RNF146: variants seen among roughly 807,000 people sequenced by gnomAD.
The protein encoded by RNF146 is ring finger protein 146, also known as E3 ubiquitin-protein ligase RNF146.
Under a neutral mutation model 29.7 loss-of-function variants are expected in RNF146, and 11 were observed. That is an observed-to-expected ratio of 0.37 (90% CI 0.23 to 0.61). The LOEUF (loss-of-function observed/expected upper bound fraction) is 0.61. Among genes scored for constraint, RNF146 ranks in the 20% least tolerant of loss-of-function variants. RNF146 has a pLI of 0.66. For missense variants in RNF146, 342 were observed against 438.9 expected (o/e 0.78, Z 1.97); for synonymous variants, 150 against 159.7 (o/e 0.94, Z 0.46).
chr6:127,286,463 G>A lies in RNF146; in HGVS notation c.3-153G>A. On this transcript the variant is annotated intron_variant, in intron 2 of 2. Transcript: ENST00000368314. The surrounding 1 kb of genome is among the most constrained non-coding windows in gnomAD (Gnocchi z 4.6). ...ACAAAAAATTTTCATCGGTTGGAGAGTTTTTCCTCTACTTTCATCTTCATA... is the reference window on the plus strand; with the variant it reads ...ACAAAAAATTTTCATCGGTTGGAGAATTTTTCCTCTACTTTCATCTTCATA... 1.4e-5 allele frequency: 12 copies of A among 833,970 alleles called. No individual in the cohort carries two copies. The South Asian group carries it at 2.4e-4, about 16-fold the overall frequency. 51.7% of individuals were successfully genotyped at this position (833,970 alleles called of 1,614,324 possible). A position where few individuals can be genotyped will look rare whatever the true frequency, so the allele number is the denominator to read the frequency against.
intron 1 of RNF146, among the ~76,000 whole-genome samples, chr6:127,275,101 C>G (rs1268977483): frequency 1.3e-5 from 2 of 152,076 alleles, no homozygotes; most frequent in East Asian, 3.9e-4. Flanking sequence ...CTGGGCTGAC[C>G]TATGTGGTCA....
At chr6:127,282,860 A>G (rs1177859468) in intron 2 of RNF146, among the ~76,000 whole-genome samples, 1 of 151,718 alleles carries the variant, frequency 6.6e-6, no homozygotes, top group Non-Finnish European at 1.5e-5. Context: ...GCCCCTTGAA[A>G]TTATATGTAG....
intron 1 of RNF146, chr6:127,267,233 C>G (rs906005224): frequency 6.6e-6 from 1 of 152,258 alleles, no homozygotes; most frequent in Non-Finnish European, 1.5e-5. Flanking sequence ...CCTGCGCTGC[C>G]CGAGGGCGCC....
chr6:127,270,027 A>T (rs1390942117), intron 1 of RNF146, among the ~76,000 whole-genome samples: 3 of 152,156 alleles, frequency 2.0e-5, no homozygotes, highest in African/African-American at 7.2e-5. Context: ...TTATATGCTC[A>T]TCTTTTTCTT....
At chr6:127,284,181 A>G (rs1203304004) in intron 2 of RNF146, among the ~76,000 whole-genome samples, 1 of 151,792 alleles carries the variant, frequency 6.6e-6, no homozygotes, top group Non-Finnish European at 1.5e-5. Flanking sequence ...GGAATTATGT[A>G]TTTAAAAGCA....
At chr6:127,273,651 A>G (rs1008698386) in intron 1 of RNF146, among the ~76,000 whole-genome samples, 2 of 152,154 alleles carry the variant, frequency 1.3e-5, no homozygotes, top group South Asian at 2.1e-4. Flanking sequence ...GGTCAGCTGT[A>G]TGAGGTTATC....
intron 1 of RNF146, among the ~76,000 whole-genome samples, chr6:127,272,436 G>A (rs747214633): frequency 1.3e-5 from 2 of 152,088 alleles, no homozygotes; most frequent in African/African-American, 2.4e-5. Flanking sequence ...CAGTTAGTCT[G>A]CACTTTGAAA....
chr6:127,286,712 C>T lies in RNF146; in HGVS notation c.99C>T (p.Thr33=), dbSNP rs375656888. 1.2e-5 allele frequency: 20 copies of T among 1,613,170 alleles called. No homozygotes were observed. Among genetic ancestry groups the T allele is most frequent in the Middle Eastern group, 1.6e-4 (1 of 6,070 alleles). The change falls in exon 3 of 3, where the codon ACC becomes ACT. Residue 33 remains threonine (T), a synonymous_variant. Coordinates refer to ENST00000368314, the MANE Select transcript of RNF146 (RefSeq NM_001242850.2). This position sits in a 1 kb window ranked among gnomAD's most constrained non-coding sequence, Gnocchi z 4.6. ...GTTCTAATACTGCACCTTCTTTAAC[C>T]GTCCCTGAATGTGCCATTTGTCTGC... ...ESCSNTAPSL[T]VPECAICLQT...
chr6:127,279,975 G>A (rs1009500831), intron 1 of RNF146, among the ~76,000 whole-genome samples: 2 of 151,418 alleles, frequency 1.3e-5, no homozygotes, highest in African/African-American at 4.8e-5. Context: ...GCTTTCTTGG[G>A]GATTCTATGA....
chr6:127,284,674 T>C (rs1004389415), intron 2 of RNF146, among the ~76,000 whole-genome samples: 1 of 151,914 alleles, frequency 6.6e-6, no homozygotes, highest in Non-Finnish European at 1.5e-5. Flanking sequence ...TTGTAACTTA[T>C]TGTTGTTTCA....
chr6:127,278,331 A>G (rs1030552903), intron 1 of RNF146, among the ~76,000 whole-genome samples: 1 of 152,002 alleles, frequency 6.6e-6, no homozygotes, highest in Non-Finnish European at 1.5e-5. Context: ...TAGCATTACA[A>G]ACAGAAACTC....
intron 2 of RNF146, among the ~76,000 whole-genome samples, chr6:127,280,903 T>G (rs1778833942): frequency 6.6e-6 from 1 of 151,804 alleles, no homozygotes; most frequent in Non-Finnish European, 1.5e-5. Context: ...GATTTGTCCA[T>G]ATTTAACTTC....
intron 2 of RNF146, among the ~76,000 whole-genome samples, chr6:127,285,691 T>C (rs1009904915): frequency 1.3e-5 from 2 of 151,924 alleles, no homozygotes; most frequent in African/African-American, 4.8e-5. Flanking sequence ...GTCTTGCATG[T>C]GCTTCTGCCT....
chr6:127,272,793 G>A (rs139667561), intron 1 of RNF146, among the ~76,000 whole-genome samples: 2 of 152,184 alleles, frequency 1.3e-5, no homozygotes, highest in African/African-American at 4.8e-5. Flanking sequence ...GAAAATCTGA[G>A]TATAAGTTTT....
chr6:127,267,391 T>G (rs1431422262), intron 1 of RNF146, among the ~76,000 whole-genome samples: 2 of 152,036 alleles, frequency 1.3e-5, no homozygotes, highest in Non-Finnish European at 1.5e-5. Context: ...CTCTGGGCCG[T>G]GGTTTTAGGC....
intron 1 of RNF146, among the ~76,000 whole-genome samples, chr6:127,271,195 T>C (rs1205863196): frequency 6.6e-6 from 1 of 152,174 alleles, no homozygotes; most frequent in Non-Finnish European, 1.5e-5. Context: ...ACAAAACATA[T>C]ATTAATCCAC....
Position 127,287,334 on chromosome 6 carries a change from A to G in RNF146, c.721A>G (p.Thr241Ala). ...SPATPSPDAS[T>A]SLEDSFAHLQ... Reference sequence around the variant, plus strand: ...TGCAACACCATCCCCTGATGCAAGCACTTCTCTGGAAGACTCTTTTGCTCA... The same window carrying G: ...TGCAACACCATCCCCTGATGCAAGCGCTTCTCTGGAAGACTCTTTTGCTCA... The change falls in exon 3 of 3, where the codon ACT becomes GCT. Residue 241 changes from threonine to alanine, a missense_variant. Physicochemically the swap from Thr to Ala is moderately conservative, Grantham distance 58. Around this residue, in one of 6 missense-constraint regions of RNF146, gnomAD observed 196 missense variants for 208.9 expected, o/e 0.94. Transcript: ENST00000368314. 1 of 1,613,448 alleles carries G rather than the reference A, an allele frequency of 6.2e-7. No individual in the cohort carries two copies. The highest frequency in any genetic ancestry group is 8.5e-7 in the Non-Finnish European group (1 of 1,179,660).
At chr6:127,283,141 T>A (rs1430058566) in intron 2 of RNF146, among the ~76,000 whole-genome samples, 1 of 151,734 alleles carries the variant, frequency 6.6e-6, no homozygotes, top group Non-Finnish European at 1.5e-5. Context: ...ATTAATAGAC[T>A]CTTATTAGTC....
At chr6:127,282,879 C>G (rs1779089157) in intron 2 of RNF146, among the ~76,000 whole-genome samples, 1 of 151,722 alleles carries the variant, frequency 6.6e-6, no homozygotes, top group East Asian at 1.9e-4. Context: ...AGGATTGTTC[C>G]CTTTTTGTGT....
Sources: gnomAD v4.1 joint callset for allele counts (sites outside exome capture counted in the v4.1 genomes callset) on GRCh38, gnomAD v4.1.1 for gene constraint, gnomAD v4.1.1 regional missense constraint, Gnocchi (gnomAD v3.1) non-coding constraint, MANE v1.5 for transcripts, NCBI Gene and HGNC (gene_info 2026-07-23, HGNC 2026-07-21) for gene names.